KCMF1: variants seen among roughly 807,000 people sequenced by gnomAD.
KCMF1 encodes the protein potassium channel modulatory factor 1.
KCMF1 carries 3 observed loss-of-function variants against 41.1 expected under a neutral mutation model. The ratio of observed to expected loss-of-function variants is 0.07; its 90% confidence interval spans 0.03 to 0.19. The LOEUF is 0.19. KCMF1 is among the 10% of genes least tolerant of loss of function. KCMF1 has a pLI of 1.00. For missense variants in KCMF1, 286 were observed against 488.9 expected (o/e 0.58, Z 3.91); for synonymous variants, 142 against 164.5 (o/e 0.86, Z 1.04).
At chr2:85,013,710 A>G (rs144468650) in intron 1 of KCMF1, among the ~76,000 whole-genome samples, 1,610 of 152,112 alleles carry the variant, frequency 0.011, 30 homozygotes, top group African/African-American at 0.037. Flanking sequence ...AGGTAGGAGA[A>G]TCACTTGACC....
intron 2 of KCMF1, among the ~76,000 whole-genome samples, chr2:85,032,735 C>T (rs1574035928): frequency 6.6e-6 from 1 of 152,218 alleles, no homozygotes; most frequent in Admixed American, 6.5e-5. Context: ...TGGTCTTGAA[C>T]TCCTGACCTC....
At chr2:85,031,208 C>T (rs1430176329) in intron 2 of KCMF1, among the ~76,000 whole-genome samples, 3 of 152,156 alleles carry the variant, frequency 2.0e-5, no homozygotes, top group East Asian at 1.9e-4. Flanking sequence ...TATGTCGAAT[C>T]GGTAGATTAG....
intron 1 of KCMF1, among the ~76,000 whole-genome samples, chr2:85,014,999 C>T (rs1169534339): frequency 6.6e-6 from 1 of 151,766 alleles, no homozygotes. Flanking sequence ...CTGTAGAAAA[C>T]AAGTACTTGT....
At chr2:85,008,830 T>C (rs957948637) in intron 1 of KCMF1, among the ~76,000 whole-genome samples, 1 of 150,828 alleles carries the variant, frequency 6.6e-6, no homozygotes, top group Non-Finnish European at 1.5e-5. Flanking sequence ...AGTGGCTCAA[T>C]CTCACCTCAC....
chr2:85,036,129 A>G (rs1169877271), intron 3 of KCMF1, among the ~76,000 whole-genome samples: 2 of 152,106 alleles, frequency 1.3e-5, no homozygotes, highest in Non-Finnish European at 2.9e-5. Context: ...TCCCACTGAC[A>G]CTGCTAGTTT....
chr2:85,034,052 C>T (rs1025329533), intron 2 of KCMF1, among the ~76,000 whole-genome samples: 2 of 151,692 alleles, frequency 1.3e-5, no homozygotes, highest in Admixed American at 6.6e-5. Flanking sequence ...TTTAATTAGC[C>T]GGATGTGATG....
intron 6 of KCMF1, among the ~76,000 whole-genome samples, chr2:85,052,260 G>A (rs985837998): frequency 6.6e-6 from 1 of 152,072 alleles, no homozygotes; most frequent in African/African-American, 2.4e-5. Flanking sequence ...TAGTAGAAAT[G>A]GGGTTTCACC....
chr2:85,027,250 A>G (rs1675129988), intron 1 of KCMF1, among the ~76,000 whole-genome samples: 1 of 151,976 alleles, frequency 6.6e-6, no homozygotes. Flanking sequence ...GTGGACCTTA[A>G]GCTTAGATTT....
intron 2 of KCMF1, among the ~76,000 whole-genome samples, chr2:85,034,750 C>T (rs1249640843): frequency 6.6e-6 from 1 of 152,070 alleles, no homozygotes; most frequent in Non-Finnish European, 1.5e-5. Flanking sequence ...GCCTCCGGAG[C>T]AGCTGAGATT....
chr2:85,004,520 AT>A (rs928393513), intron 1 of KCMF1, among the ~76,000 whole-genome samples: 1 of 151,992 alleles, frequency 6.6e-6, no homozygotes, highest in Admixed American at 6.6e-5. Flanking sequence ...TCAAAAAAAA[AT>A]AATAATAAAA....
At chr2:84,998,882 G>A (rs1206919370) in intron 1 of KCMF1, among the ~76,000 whole-genome samples, 3 of 151,690 alleles carry the variant, frequency 2.0e-5, no homozygotes, top group African/African-American at 7.3e-5. Context: ...AAAGTGCTGG[G>A]ATTACAGCTA....
At chr2:85,047,411 G>A (rs927429697) in intron 5 of KCMF1, among the ~76,000 whole-genome samples, 2 of 151,988 alleles carry the variant, frequency 1.3e-5, no homozygotes. Flanking sequence ...ATGGCTTCCA[G>A]GTACACATTC....
At chr2:85,026,897 G>T (rs1345104413) in intron 1 of KCMF1, among the ~76,000 whole-genome samples, 1 of 152,062 alleles carries the variant, frequency 6.6e-6, no homozygotes, top group Non-Finnish European at 1.5e-5. Flanking sequence ...GTTTTTTTGT[G>T]TGTATTTTAT....
intron 1 of KCMF1, among the ~76,000 whole-genome samples, chr2:84,994,726 TACTC>T (rs202186342): frequency 0.015 from 2,329 of 152,264 alleles, 30 homozygotes; most frequent in South Asian, 0.063. Context: ...TAATATTTAA[TACTC>T]AGTTCATGTT....
chr2:85,053,424 G>T lies in KCMF1; in HGVS notation c.*15G>T. ...CTCCTCTTTGATGACATCCCAATTC[G>T]CAGACAATGTCCTCTGTGCTGTATT... On this transcript the variant is annotated 3_prime_UTR_variant, in exon 7 of 7. Transcript: ENST00000409785. 2.5e-6 allele frequency: 4 copies of T among 1,606,180 alleles called. No homozygotes were observed. Among genetic ancestry groups the T allele is most frequent in the Non-Finnish European group, 3.4e-6 (4 of 1,175,758 alleles).
At position 85,056,225 on chromosome 2, in the gene KCMF1, C is replaced by G. The variant is rs1675926014; in HGVS notation, c.*2816C>G. The G allele has an allele frequency of 6.6e-6, 1 of 151,938 alleles. No homozygotes were observed. Among genetic ancestry groups the G allele is most frequent in the African/African-American group, 2.4e-5 (1 of 41,340 alleles). 9.4% of individuals were successfully genotyped at this position (151,938 alleles called of 1,614,324 possible). A position where few individuals can be genotyped will look rare whatever the true frequency, so the allele number is the denominator to read the frequency against. On this transcript the variant is annotated 3_prime_UTR_variant, in exon 7 of 7. Transcript: ENST00000409785. Reference sequence around the variant, plus strand: ...AGAAAACTTCTCTCCCTGTGGCCCCCAGAGAAATGAAGTAGGATAGCAGAT... The same window carrying G: ...AGAAAACTTCTCTCCCTGTGGCCCCGAGAGAAATGAAGTAGGATAGCAGAT...
chr2:84,975,007 G>A (rs996988990), intron 1 of KCMF1, among the ~76,000 whole-genome samples: 1 of 151,932 alleles, frequency 6.6e-6, no homozygotes, highest in African/African-American at 2.4e-5. Flanking sequence ...GCACCTGGCC[G>A]AATTTCATAT....
chr2:85,008,248 A>ATAT (rs929275765), intron 1 of KCMF1, among the ~76,000 whole-genome samples: 1 of 105,966 alleles, frequency 9.4e-6, no homozygotes, highest in Non-Finnish European at 1.9e-5. Context: ...ATTATATATG[A>ATAT]TATATATTAT....
intron 1 of KCMF1, among the ~76,000 whole-genome samples, chr2:84,995,053 G>T (rs1674142770): frequency 6.7e-6 from 1 of 148,732 alleles, no homozygotes; most frequent in Non-Finnish European, 1.5e-5. Context: ...ATGGAGTCTT[G>T]CTCTGTTGCC....
Sources: gnomAD v4.1 joint callset for allele counts (sites outside exome capture counted in the v4.1 genomes callset) on GRCh38, gnomAD v4.1.1 for gene constraint, MANE v1.5 for transcripts, NCBI Gene and HGNC (gene_info 2026-07-23, HGNC 2026-07-21) for gene names.